UTRN: variants seen among roughly 807,000 people sequenced by gnomAD.
The protein encoded by UTRN is dystrophin-related protein 1.
Under a neutral mutation model 463.9 loss-of-function variants are expected in UTRN, and 283 were observed. The ratio of observed to expected loss-of-function variants is 0.61; its 90% CI spans 0.55 to 0.67. The LOEUF (loss-of-function observed/expected upper bound fraction) is 0.67, where lower values mean the gene tolerates loss of function less well. Ranked by LOEUF, UTRN falls within the 30% of genes least tolerant of loss-of-function variation. The pLI is 0.00. For synonymous variants in UTRN, 1,442 were observed against 1,431.5 expected (o/e 1.01, Z -0.17); for missense variants, 3,922 against 4,084.3 (o/e 0.96, Z 1.08).
At chr6:144,604,365 G>C (rs1157898785) in intron 51 of UTRN, among the ~76,000 whole-genome samples, 1 of 151,894 alleles carries the variant, frequency 6.6e-6, no homozygotes, top group Non-Finnish European at 1.5e-5. Flanking sequence ...TGATTTTAAG[G>C]CTTTAAAGAA....
In UTRN at chr6:144,295,347, T is replaced by C. The variant is rs547007349; in HGVS notation, c.79+3440T>C. Among the ~76,000 whole-genome samples, 5 of 152,066 alleles carry C rather than the reference T, an allele frequency of 3.3e-5. No individual in the cohort carries two copies. The South Asian group carries it at 1.0e-3, about 32-fold the overall frequency. Reference sequence around the variant, plus strand: ...TCCTTTTCTGTTGCTGTCAGTGTTGTTGTGGTTTTATCCCAGAGCCCTGTA... The same window carrying C: ...TCCTTTTCTGTTGCTGTCAGTGTTGCTGTGGTTTTATCCCAGAGCCCTGTA... On this transcript the variant is annotated intron_variant, in intron 2 of 74. Transcript: ENST00000367545.
rs1479098062 is a variant in UTRN at position 144,433,439 on chromosome 6, G to A, written c.856-2496G>A. On this transcript the variant is annotated intron_variant, in intron 9 of 74. Coordinates refer to ENST00000367545, the MANE Select transcript of UTRN (RefSeq NM_007124.3). The stretch of plus-strand genomic sequence containing the variant: ...TCACTTCCCAGACGGGGTGGCTGCC[G>A]GGCGGAGGGGCTCCTCACTTCTCAG... Among the ~76,000 whole-genome samples the A allele has an allele frequency of 4.4e-3, 663 of 149,616 alleles. 6 individuals carry two copies. Among genetic ancestry groups the A allele is most frequent in the African/African-American group, 0.016 (643 of 41,120 alleles).
intron 58 of UTRN, chr6:144,758,442 G>A (rs1792253200): frequency 6.6e-6 from 1 of 151,878 alleles, no homozygotes; most frequent in Non-Finnish European, 1.5e-5. Context: ...TTATACTCTT[G>A]TCATTTTATT....
At chr6:144,583,363 C>A in intron 51 of UTRN, 1 of 526,920 alleles carries the variant, frequency 1.9e-6, no homozygotes, top group Non-Finnish European at 3.5e-6. Context: ...CCCCCTGTAT[C>A]TTTCAAATGC....
intron 52 of UTRN, among the ~76,000 whole-genome samples, chr6:144,696,884 A>C (rs1784064417): frequency 6.6e-6 from 1 of 152,168 alleles, no homozygotes; most frequent in Admixed American, 6.5e-5. Flanking sequence ...AGAAGGAATA[A>C]TAACTTGCTT....
At chr6:144,538,210 A>G (rs922917326) in intron 44 of UTRN, among the ~76,000 whole-genome samples, 1 of 152,154 alleles carries the variant, frequency 6.6e-6, no homozygotes. Context: ...AGTATTGTTT[A>G]TAGTTGTATA....
At chr6:144,313,546 T>C (rs1459727898) in intron 2 of UTRN, among the ~76,000 whole-genome samples, 1 of 152,204 alleles carries the variant, frequency 6.6e-6, no homozygotes, top group African/African-American at 2.4e-5. Context: ...TGTCTGCCCA[T>C]GCTGGCTCCA....
rs370759994 is a variant in UTRN, at chr6:144,841,036, C to T, written c.10270+204C>T. 1.3e-3 allele frequency among the ~76,000 whole-genome samples: 202 copies of T among 152,278 alleles called. 2 individuals are homozygous for T. Among genetic ancestry groups the T allele is most frequent in the African/African-American group, 4.4e-3 (181 of 41,552 alleles). ...TCAAGTAACGGGGGTACAGTCGCAA[C>T]GCAATTCTGCTCTTTGAGATTTTTC... On this transcript the variant is annotated intron_variant, in intron 73 of 74. Coordinates refer to ENST00000367545, the MANE Select transcript of UTRN (RefSeq NM_007124.3).
chr6:144,336,357 C>A (rs2114618035), intron 2 of UTRN, among the ~76,000 whole-genome samples: 1 of 152,228 alleles, frequency 6.6e-6, no homozygotes, highest in South Asian at 2.1e-4. Context: ...GGAGAGCCAG[C>A]CAGAAGACAG....
intron 50 of UTRN, among the ~76,000 whole-genome samples, chr6:144,558,350 C>T (rs926504515): frequency 6.6e-6 from 1 of 152,126 alleles, no homozygotes; most frequent in African/African-American, 2.4e-5. Flanking sequence ...GACAAAACTT[C>T]ACAAGTGGTT....
chr6:144,437,796 A>C, intron 11 of UTRN, 50 bp downstream of exon 11: 1 of 1,558,102 alleles, frequency 6.4e-7, no homozygotes, highest in Non-Finnish European at 8.7e-7. Context: ...TGCTTTGCAC[A>C]GTTGAGCTCT....
rs1778283473 is a variant in UTRN at position 144,807,885 on chromosome 6, C to T, written c.9357+4738C>T. Among the ~76,000 whole-genome samples the T allele has an allele frequency of 2.0e-5, 3 of 152,108 alleles. 1 individual carries two copies. Among genetic ancestry groups the T allele is most frequent in the South Asian group, 4.2e-4 (2 of 4,818 alleles). ...TTGCCTCATAAAAGCCAGATGAGCT[C>T]GTATCTGACTTTATAAATACTAGTT... On this transcript the variant is annotated intron_variant, in intron 65 of 74. Coordinates refer to ENST00000367545, the MANE Select transcript of UTRN (RefSeq NM_007124.3).
At chr6:144,396,453 T>C (rs187267796) in intron 2 of UTRN, among the ~76,000 whole-genome samples, 9 of 152,346 alleles carry the variant, frequency 5.9e-5, no homozygotes, top group Non-Finnish European at 1.0e-4. Context: ...ATAGTGGTTA[T>C]GGTTGTATAA....
chr6:144,635,110 A>G (rs1459005799), intron 51 of UTRN, among the ~76,000 whole-genome samples: 1 of 150,218 alleles, frequency 6.7e-6, no homozygotes, highest in African/African-American at 2.4e-5. Context: ...AAGGCAATCA[A>G]CAATCTAAAA....
Position 144,411,777 on chromosome 6 carries a change from C to T in UTRN, c.141+8593C>T, listed in dbSNP as rs369271805. 1.3e-4 allele frequency among the ~76,000 whole-genome samples: 20 copies of T among 152,234 alleles called. No homozygotes were observed. The East Asian group carries it at 2.5e-3, about 19-fold the overall frequency. On this transcript the variant is annotated intron_variant, in intron 3 of 74. Coordinates refer to ENST00000367545, the MANE Select transcript of UTRN (RefSeq NM_007124.3). ...CTGTGATGACCAGCACCATCTGTTT[C>T]TCTTGTCTTTCTCTCTTCCTCTTCT...
At chr6:144,598,336 AGTTG>A (rs1344999266) in intron 51 of UTRN, among the ~76,000 whole-genome samples, 1 of 152,216 alleles carries the variant, frequency 6.6e-6, no homozygotes, top group Non-Finnish European at 1.5e-5. Flanking sequence ...TCTGATTGGC[AGTTG>A]GTTGAAAGAG....
At chr6:144,728,938 T>C (rs1031381207) in intron 53 of UTRN, among the ~76,000 whole-genome samples, 2 of 152,186 alleles carry the variant, frequency 1.3e-5, no homozygotes, top group African/African-American at 4.8e-5. Context: ...CCTGTGAGGG[T>C]TAAGCTACAC....
At chr6:144,325,879 A>T (rs543496040) in intron 2 of UTRN, among the ~76,000 whole-genome samples, 96 of 141,648 alleles carry the variant, frequency 6.8e-4, no homozygotes, top group African/African-American at 2.8e-3. Context: ...AGAATGTGAT[A>T]AAAAAAAAAT....
At chr6:144,768,389 T>C (rs1190182498) in intron 58 of UTRN, among the ~76,000 whole-genome samples, 1 of 152,168 alleles carries the variant, frequency 6.6e-6, no homozygotes, top group African/African-American at 2.4e-5. Flanking sequence ...TTAATAATTA[T>C]ACCAGGATGC....
Sources: gnomAD v4.1 joint callset for allele counts (sites outside exome capture counted in the v4.1 genomes callset) on GRCh38, gnomAD v4.1.1 for gene constraint, MANE v1.5 for transcripts, NCBI Gene and HGNC (gene_info 2026-07-23, HGNC 2026-07-21) for gene names.